The following ADK variants were observed in gnomAD, a reference collection of about 807,000 sequenced individuals.
The protein encoded by ADK is N6,N6-dimethyladenosine kinase.
A neutral mutation model predicts 44.7 loss-of-function variants in ADK; 24 were observed. That is an observed-to-expected ratio of 0.54 (90% CI 0.39 to 0.76). ADK has a LOEUF of 0.76. ADK is among the 30% of genes least tolerant of loss of function. The probability of loss-of-function intolerance (pLI) is 0.00; values close to 1 mark genes in which losing one functional copy is unlikely to be tolerated. For synonymous variants in ADK, 128 were observed against 142.6 expected (o/e 0.90, Z 0.73); for missense variants, 321 against 425.1 (o/e 0.76, Z 2.15).
intron 7 of ADK, among the ~76,000 whole-genome samples, chr10:74,550,770 A>C (rs1309255755): frequency 1.3e-5 from 2 of 152,206 alleles, no homozygotes; most frequent in East Asian, 3.8e-4. Flanking sequence ...TTTTAATTTT[A>C]ATTGATTTAT....
At chr10:74,465,623 T>C (rs1043682307) in intron 6 of ADK, among the ~76,000 whole-genome samples, 5 of 152,140 alleles carry the variant, frequency 3.3e-5, no homozygotes, top group Non-Finnish European at 7.4e-5. Context: ...GACTAGAGAA[T>C]TAGCAATGGA....
intron 6 of ADK, among the ~76,000 whole-genome samples, chr10:74,408,154 A>ATTTTT (rs146437712): frequency 9.6e-6 from 1 of 103,886 alleles, no homozygotes; most frequent in African/African-American, 3.4e-5. Flanking sequence ...TGAGTTTTGT[A>ATTTTT]TTTTTTTTTT....
At chr10:74,507,089 C>T (rs1320573922) in intron 6 of ADK, among the ~76,000 whole-genome samples, 1 of 152,028 alleles carries the variant, frequency 6.6e-6, no homozygotes, top group East Asian at 1.9e-4. Context: ...GTATTAAATT[C>T]TGAAGCTAGT....
chr10:74,329,358 T>C (rs760452827), intron 4 of ADK, among the ~76,000 whole-genome samples: 1 of 152,166 alleles, frequency 6.6e-6, no homozygotes, highest in Non-Finnish European at 1.5e-5. Context: ...TAAGCCAAGC[T>C]GGGCAAGTAT....
intron 6 of ADK, among the ~76,000 whole-genome samples, chr10:74,482,736 C>T (rs1441128774): frequency 6.6e-6 from 1 of 152,236 alleles, no homozygotes; most frequent in Admixed American, 6.5e-5. Flanking sequence ...AGAGGGGCTA[C>T]AGGCCCCATG....
At chr10:74,595,926 G>A (rs1281725124) in intron 8 of ADK, among the ~76,000 whole-genome samples, 2 of 149,552 alleles carry the variant, frequency 1.3e-5, no homozygotes, top group South Asian at 2.1e-4. Context: ...GAACCCAGGA[G>A]GCAGAGGTTG....
At chr10:74,195,088 C>G (rs578102501) in intron 1 of ADK, among the ~76,000 whole-genome samples, 1 of 88,634 alleles carries the variant, frequency 1.1e-5, no homozygotes, top group East Asian at 2.3e-4. Context: ...CGCTCCCCCC[C>G]CCAAAAAAAA....
intron 7 of ADK, among the ~76,000 whole-genome samples, chr10:74,549,089 T>C (rs1849938024): frequency 6.6e-6 from 1 of 152,242 alleles, no homozygotes; most frequent in African/African-American, 2.4e-5. Flanking sequence ...AATTCAATTA[T>C]TCATTTAATA....
chr10:74,584,157 G>A (rs1450744383), intron 7 of ADK, among the ~76,000 whole-genome samples: 1 of 152,130 alleles, frequency 6.6e-6, no homozygotes, highest in Non-Finnish European at 1.5e-5. Flanking sequence ...TTTGAAGACT[G>A]CCTCCTACAC....
intron 4 of ADK, among the ~76,000 whole-genome samples, chr10:74,370,751 A>T (rs1216813152): frequency 6.6e-6 from 1 of 152,026 alleles, no homozygotes; most frequent in South Asian, 2.1e-4. Flanking sequence ...TTTTAAAAAA[A>T]TACAATTTAG....
At chr10:74,293,000 A>C (rs1402537682) in intron 3 of ADK, among the ~76,000 whole-genome samples, 2 of 152,010 alleles carry the variant, frequency 1.3e-5, no homozygotes, top group Non-Finnish European at 2.9e-5. Context: ...CAACATGGTG[A>C]AACACCATCT....
At chr10:74,176,984 G>T in intron 1 of ADK, 2 of 1,511,632 alleles carry the variant, frequency 1.3e-6, no homozygotes. Flanking sequence ...TCTGGAGCCT[G>T]CCTCCGCCTC....
At chr10:74,332,872 A>G (rs1841267761) in intron 4 of ADK, among the ~76,000 whole-genome samples, 1 of 152,214 alleles carries the variant, frequency 6.6e-6, no homozygotes, top group African/African-American at 2.4e-5. Context: ...TCATGTTAAA[A>G]TAATTTTAAG....
At chr10:74,224,679 T>G (rs1844462037) in intron 3 of ADK, 88 bp downstream of exon 3, 6 of 1,054,916 alleles carry the variant, frequency 5.7e-6, no homozygotes, top group Non-Finnish European at 8.7e-6. Flanking sequence ...TTTTCAAAAT[T>G]ATATAATGAC....
At chr10:74,203,366 T>G (rs530903449) in intron 2 of ADK, among the ~76,000 whole-genome samples, 1 of 147,260 alleles carries the variant, frequency 6.8e-6, no homozygotes, top group African/African-American at 2.5e-5. Flanking sequence ...TTGTTTTTTG[T>G]TTTTTTTTTG....
At chr10:74,498,817 A>G (rs1009510339) in intron 6 of ADK, among the ~76,000 whole-genome samples, 5 of 152,168 alleles carry the variant, frequency 3.3e-5, no homozygotes, top group African/African-American at 9.7e-5. Flanking sequence ...CAAATGTCCA[A>G]CAATGATAGA....
chr10:74,702,524 T>TTCC (rs1589382755), intron 10 of ADK, among the ~76,000 whole-genome samples: 139 of 120,886 alleles, frequency 1.1e-3, no homozygotes, highest in African/African-American at 4.1e-3. Flanking sequence ...TCCTTCCTTC[T>TTCC]TTCCTTCCTT....
At chr10:74,623,842 T>A (rs563280982) in intron 9 of ADK, among the ~76,000 whole-genome samples, 17 of 152,182 alleles carry the variant, frequency 1.1e-4, no homozygotes, top group African/African-American at 4.1e-4. Context: ...CAAATAGATA[T>A]TTAATTAAAG....
At chr10:74,361,672 A>G (rs779010964) in intron 4 of ADK, among the ~76,000 whole-genome samples, 1 of 152,232 alleles carries the variant, frequency 6.6e-6, no homozygotes, top group African/African-American at 2.4e-5. Context: ...TGCAAATACA[A>G]TATTAATATA....
Sources: allele counts gnomAD v4.1 joint callset (sites outside exome capture counted in the v4.1 genomes callset), GRCh38; gene constraint gnomAD v4.1.1; transcripts MANE v1.5; gene names NCBI Gene and HGNC (gene_info 2026-07-23, HGNC 2026-07-21).